The following EPHA5 variants were observed in gnomAD, a reference collection of about 807,000 sequenced individuals.
EPHA5 encodes ephrin type-A receptor 5.
EPHA5 carries 60 observed loss-of-function variants against 105.0 expected under a neutral mutation model. The ratio of observed to expected loss-of-function variants is 0.57; its 90% CI spans 0.46 to 0.71. EPHA5 has a LOEUF of 0.71. EPHA5 is among the 30% of genes least tolerant of loss of function. The pLI, the probability that EPHA5 is intolerant of heterozygous loss-of-function variation, is 0.00. For missense variants in EPHA5, 1,218 were observed against 1,274.7 expected, an observed-to-expected ratio of 0.96 and a Z score of 0.68; for synonymous variants, 513 against 449.1, an observed-to-expected ratio of 1.14 and a Z score of -1.80.
chr4:65,588,699 G>A (rs958353370), intron 3 of EPHA5, among the ~76,000 whole-genome samples: 3 of 152,062 alleles, frequency 2.0e-5, no homozygotes, highest in African/African-American at 7.2e-5. Context: ...GGTTGGTCTG[G>A]TTTATTTCTC....
intron 8 of EPHA5, among the ~76,000 whole-genome samples, chr4:65,397,020 G>C (rs1306315308): frequency 6.6e-6 from 1 of 152,188 alleles, no homozygotes; most frequent in East Asian, 1.9e-4. Flanking sequence ...CCTGTTAACT[G>C]CTACAAATGT....
chr4:65,436,804 C>T (rs1176455772), intron 5 of EPHA5, among the ~76,000 whole-genome samples: 2 of 152,000 alleles, frequency 1.3e-5, no homozygotes, highest in East Asian at 3.9e-4. Context: ...GGTATGTGAA[C>T]AGTTTAATGA....
At chr4:65,528,784 G>C (rs560631325) in intron 3 of EPHA5, among the ~76,000 whole-genome samples, 2 of 152,014 alleles carry the variant, frequency 1.3e-5, no homozygotes, top group East Asian at 3.9e-4. Context: ...GCACTAAATC[G>C]AGCACTTAAA....
intron 11 of EPHA5, among the ~76,000 whole-genome samples, chr4:65,357,465 G>C (rs1577906062): frequency 6.6e-6 from 1 of 151,380 alleles, no homozygotes; most frequent in East Asian, 1.9e-4. Flanking sequence ...TCACAAATAT[G>C]TCATAACTAT....
At chr4:65,641,023 G>A (rs541112516) in intron 2 of EPHA5, among the ~76,000 whole-genome samples, 1 of 152,080 alleles carries the variant, frequency 6.6e-6, no homozygotes, top group Non-Finnish European at 1.5e-5. Flanking sequence ...CAAATTCCCA[G>A]CTGAGAAAAA....
chr4:65,582,158 AT>A (rs1434174567), intron 3 of EPHA5, among the ~76,000 whole-genome samples: 4 of 151,860 alleles, frequency 2.6e-5, no homozygotes, highest in Non-Finnish European at 4.4e-5. Context: ...GAAGGAAAAA[AT>A]AATTTAATAA....
chr4:65,497,167 A>G (rs1176562969), intron 3 of EPHA5, among the ~76,000 whole-genome samples: 1 of 152,160 alleles, frequency 6.6e-6, no homozygotes. Flanking sequence ...ATACTGAAGT[A>G]TGACGCATAT....
rs79627959 is a variant in EPHA5 at position 65,396,670 on chromosome 4, C to T, written c.1793+7704G>A. On this transcript the variant is annotated intron_variant, in intron 8 of 16. Transcript: ENST00000613740. ...AGCCTTTCAATTAGTCCAAGCTATT[C>T]ATGATAGAACAGGGATTAGATGAAA... Among the ~76,000 whole-genome samples, 1,174 of 152,246 alleles carry T rather than the reference C, an allele frequency of 7.7e-3. 17 individuals are homozygous for T. The highest frequency in any genetic ancestry group is 0.027 in the African/African-American group (1,107 of 41,546).
intron 1 of EPHA5, among the ~76,000 whole-genome samples, chr4:65,660,711 G>A (rs898736330): frequency 1.3e-5 from 2 of 151,940 alleles, no homozygotes; most frequent in African/African-American, 4.8e-5. Flanking sequence ...CTGGGTTCCT[G>A]GTCTCTACAT....
intron 3 of EPHA5, among the ~76,000 whole-genome samples, chr4:65,563,285 C>T (rs1238395070): frequency 3.9e-5 from 6 of 151,984 alleles, no homozygotes; most frequent in East Asian, 1.9e-4. Context: ...GAAAACAAAA[C>T]TGATCACTTA....
At chr4:65,660,230 A>G (rs1749441570) in intron 1 of EPHA5, among the ~76,000 whole-genome samples, 1 of 152,146 alleles carries the variant, frequency 6.6e-6, no homozygotes. Context: ...GGTAAAATAC[A>G]ACATTTACAA....
At chr4:65,409,781 A>C (rs1232105942) in intron 7 of EPHA5, among the ~76,000 whole-genome samples, 1 of 152,318 alleles carries the variant, frequency 6.6e-6, no homozygotes, top group African/African-American at 2.4e-5. Context: ...TAAAAACAGT[A>C]TGGTAGGCAA....
chr4:65,587,181 T>C (rs957370279), intron 3 of EPHA5, among the ~76,000 whole-genome samples: 4 of 152,096 alleles, frequency 2.6e-5, no homozygotes, highest in Non-Finnish European at 5.9e-5. Context: ...GGTGGGGAGA[T>C]GAAGAATCCT....
intron 8 of EPHA5, among the ~76,000 whole-genome samples, chr4:65,384,941 C>A (rs562603191): frequency 6.6e-6 from 1 of 151,590 alleles, no homozygotes; most frequent in Admixed American, 6.6e-5. Context: ...TGAGCTCTTC[C>A]TCCCCCAGTC....
chr4:65,583,410 T>G (rs553553981), intron 3 of EPHA5, among the ~76,000 whole-genome samples: 1 of 151,990 alleles, frequency 6.6e-6, no homozygotes, highest in East Asian at 1.9e-4. Flanking sequence ...TCGTCTTTAA[T>G]CTTACTGTGT....
At chr4:65,345,803 C>T (rs1317738143) in intron 14 of EPHA5, among the ~76,000 whole-genome samples, 2 of 151,890 alleles carry the variant, frequency 1.3e-5, no homozygotes, top group African/African-American at 2.4e-5. Context: ...GACAGAGTCT[C>T]GCTCTGTCGC....
intron 3 of EPHA5, among the ~76,000 whole-genome samples, chr4:65,517,454 T>A (rs1734215674): frequency 6.6e-6 from 1 of 151,934 alleles, no homozygotes; most frequent in Non-Finnish European, 1.5e-5. Flanking sequence ...AATTTGAGTT[T>A]TGATTTCTTA....
intron 8 of EPHA5, chr4:65,376,910 G>A (rs1719064344): frequency 8.2e-7 from 1 of 1,216,994 alleles, no homozygotes; most frequent in Non-Finnish European, 1.1e-6. Flanking sequence ...CTACTCAAAT[G>A]TACACAAATG....
In EPHA5 at chr4:65,530,998, TTTTTTTTA is replaced by T. The variant is rs1200918968; in HGVS notation, c.911-35463_911-35456del. Among the ~76,000 whole-genome samples the T allele has an allele frequency of 4.0e-3, 405 of 102,102 alleles. 2 individuals are homozygous for T. Among genetic ancestry groups the T allele is most frequent in the African/African-American group, 0.014 (370 of 25,886 alleles). 67.0% of individuals were successfully genotyped at this position (102,102 alleles called of 152,430 possible). On this transcript the variant is annotated intron_variant, in intron 3 of 16. Coordinates refer to ENST00000613740, the MANE Select transcript of EPHA5 (RefSeq NM_001281766.3). ...AGGGTGCTGATTTAGCTGGATGGATTTTTTTTTATTTTTTTTATTTTTTTTATTTTTTT... is the reference window on the plus strand; with the variant it reads ...AGGGTGCTGATTTAGCTGGATGGATTTTTTTTTTATTTTTTTTATTTTTTT...
Sources: gnomAD v4.1 joint callset for allele counts (sites outside exome capture counted in the v4.1 genomes callset) on GRCh38, gnomAD v4.1.1 for gene constraint, MANE v1.5 for transcripts, NCBI Gene and HGNC (gene_info 2026-07-23, HGNC 2026-07-21) for gene names.